IL1RAPL2: variants seen among roughly 807,000 people sequenced by gnomAD.
IL1RAPL2 encodes interleukin 1 receptor accessory protein like 2, also known as X-linked interleukin-1 receptor accessory protein-like 2.
In IL1RAPL2, 3 loss-of-function variants were observed where a neutral mutation model predicts 44.1. That is an observed-to-expected ratio of 0.07 (90% CI 0.03 to 0.18). The LOEUF (loss-of-function observed/expected upper bound fraction) is 0.18. IL1RAPL2 is among the 10% of genes least tolerant of loss of function. The pLI is 1.00. For synonymous variants in IL1RAPL2, 181 were observed against 178.8 expected, an observed-to-expected ratio of 1.01 and a Z score of -0.10; for missense variants, 391 against 496.4, an observed-to-expected ratio of 0.79 and a Z score of 2.02.
intron 2 of IL1RAPL2, among the ~76,000 whole-genome samples, chrX:104,718,240 A>G (rs1931614538): frequency 1.8e-5 from 2 of 110,795 alleles, no homozygotes; most frequent in Admixed American, 9.6e-5. Context: ...AAGTGTTCCT[A>G]TTTCTCCACA....
chrX:104,980,074 A>G (rs2030409418), intron 2 of IL1RAPL2, among the ~76,000 whole-genome samples: 1 of 112,011 alleles, frequency 8.9e-6, no homozygotes, highest in Admixed American at 9.5e-5. Context: ...AGCAACCTAA[A>G]TATCTATCAA....
intron 6 of IL1RAPL2, among the ~76,000 whole-genome samples, chrX:105,501,398 C>A (rs1160393570): frequency 9.0e-6 from 1 of 111,068 alleles, no homozygotes; most frequent in Admixed American, 9.6e-5. Flanking sequence ...CTGAAGTGGG[C>A]AGATTGTGTG....
chrX:105,085,187 A>G (rs978538636), intron 2 of IL1RAPL2, among the ~76,000 whole-genome samples: 2 of 112,224 alleles, frequency 1.8e-5, no homozygotes. Flanking sequence ...TACACAAAAT[A>G]TCAATCTAAA....
intron 2 of IL1RAPL2, among the ~76,000 whole-genome samples, chrX:104,784,027 G>A (rs993661442): frequency 8.1e-5 from 9 of 110,890 alleles, no homozygotes; most frequent in African/African-American, 2.6e-4. Flanking sequence ...TATTTACTGA[G>A]TTACTCCCTC....
In IL1RAPL2 at chrX:104,825,482, C is replaced by T. The variant is rs1164452234; in HGVS notation, c.82+166487C>T. 8.0e-5 allele frequency among the ~76,000 whole-genome samples: 9 copies of T among 111,803 alleles called. No homozygotes were observed. The Admixed American group carries it at 8.6e-4, about 11-fold the overall frequency. ...ACAGCAAAACATGTCACTCATTTAG[C>T]AAATCATATAAGTGCTTGGAATTAT... On this transcript the variant is annotated intron_variant, in intron 2 of 10. Transcript: ENST00000372582.
At chrX:104,946,472 A>T (rs146234687) in intron 2 of IL1RAPL2, among the ~76,000 whole-genome samples, 1,227 of 90,286 alleles carry the variant, frequency 0.014, 4 homozygotes, top group Non-Finnish European at 0.021. Context: ...TGTGCAGGTT[A>T]GTTACATATG....
chrX:105,268,132 A>C, intron 5 of IL1RAPL2, among the ~76,000 whole-genome samples: 1 of 111,828 alleles, frequency 8.9e-6, no homozygotes, highest in East Asian at 2.8e-4. Context: ...AATTTTAGGA[A>C]GTAATTTTCA....
chrX:104,594,467 C>T (rs1004327903), intron 1 of IL1RAPL2, among the ~76,000 whole-genome samples: 1 of 111,285 alleles, frequency 9.0e-6, no homozygotes, highest in Admixed American at 9.6e-5. Context: ...GTGCTATGCT[C>T]TCTTAGTTGT....
chrX:105,448,776 C>T (rs757613904), intron 5 of IL1RAPL2, among the ~76,000 whole-genome samples: 13 of 110,794 alleles, frequency 1.2e-4, no homozygotes, highest in Non-Finnish European at 2.3e-4. Flanking sequence ...TTTCAAATAG[C>T]CTGTCTTCAA....
chrX:105,383,076 A>G (rs2035448658), intron 5 of IL1RAPL2, among the ~76,000 whole-genome samples: 2 of 110,019 alleles, frequency 1.8e-5, no homozygotes, highest in Non-Finnish European at 3.8e-5. Context: ...ATATGTAACA[A>G]ACCTGCACGT....
chrX:105,154,435 T>A lies in IL1RAPL2; in HGVS notation c.83-41040T>A, dbSNP rs1053955441. 8.1e-5 allele frequency among the ~76,000 whole-genome samples: 9 copies of A among 111,682 alleles called. No individual in the cohort carries two copies. The South Asian group carries it at 3.0e-3, about 37-fold the overall frequency. On this transcript the variant is annotated intron_variant, in intron 2 of 10. Transcript: ENST00000372582. ...TTATATCAGAATTGTTGGTTGATCC[T>A]CTTGTGCCCTTTAGCCTGTGTCCCA...
At chrX:104,939,799 T>G (rs1159282783) in intron 2 of IL1RAPL2, among the ~76,000 whole-genome samples, 2 of 111,660 alleles carry the variant, frequency 1.8e-5, no homozygotes, top group African/African-American at 3.3e-5. Context: ...TGCTACAACA[T>G]GAATGAACCT....
chrX:105,475,802 A>G (rs2036194465), intron 5 of IL1RAPL2, among the ~76,000 whole-genome samples: 1 of 112,352 alleles, frequency 8.9e-6, no homozygotes. Flanking sequence ...ATTTGTGCTG[A>G]ATAAACATTG....
At chrX:105,748,304 C>G (rs976392660) in intron 8 of IL1RAPL2, among the ~76,000 whole-genome samples, 1 of 111,981 alleles carries the variant, frequency 8.9e-6, no homozygotes, top group African/African-American at 3.2e-5. Context: ...CTGAAGAGGC[C>G]AAGTGATTAG....
rs1408187087 is a variant in IL1RAPL2, at chrX:105,767,031, C to G, written c.1431C>G (p.Asp477Glu). 2.2e-5 allele frequency: 27 copies of G among 1,208,525 alleles called. No homozygotes were observed. The highest frequency in any genetic ancestry group is 3.0e-5 in the Non-Finnish European group (27 of 892,722). Residue 477 changes from aspartate to glutamate, a missense_variant, in exon 11 of 11, where the codon GAC (aspartate) becomes GAG (glutamate). Coordinates refer to ENST00000372582, the MANE Select transcript of IL1RAPL2 (RefSeq NM_017416.2). ...GACTTATTATCGTGCTAACTCCAGA[C>G]TATATTCTCAGACGGGGATGGAGTA... ...SRRLIIVLTP[D>E]YILRRGWSIF...
At chrX:104,756,130 C>T (rs1392777578) in intron 2 of IL1RAPL2, among the ~76,000 whole-genome samples, 1 of 110,755 alleles carries the variant, frequency 9.0e-6, no homozygotes, top group Non-Finnish European at 1.9e-5. Context: ...AATATTCATC[C>T]ACTGGCATTT....
At chrX:105,725,719 C>CACACA (rs1362886204) in intron 7 of IL1RAPL2, among the ~76,000 whole-genome samples, 1 of 111,689 alleles carries the variant, frequency 9.0e-6, no homozygotes, top group Non-Finnish European at 1.9e-5. Flanking sequence ...GGCAACTTCT[C>CACACA]ACACAATTTT....
intron 4 of IL1RAPL2, among the ~76,000 whole-genome samples, chrX:105,263,087 G>A: frequency 9.1e-6 from 1 of 110,280 alleles, no homozygotes; most frequent in Non-Finnish European, 1.9e-5. Context: ...GTTTCTCCAT[G>A]TTGATCAGGC....
intron 5 of IL1RAPL2, among the ~76,000 whole-genome samples, chrX:105,363,673 A>T (rs1049999689): frequency 4.5e-5 from 5 of 110,069 alleles, no homozygotes; most frequent in African/African-American, 1.6e-4. Context: ...TTATGAATTT[A>T]ATTTTTATTT....
Sources: gnomAD v4.1 joint callset for allele counts (sites outside exome capture counted in the v4.1 genomes callset) on GRCh38, gnomAD v4.1.1 for gene constraint, MANE v1.5 for transcripts, NCBI Gene and HGNC (gene_info 2026-07-23, HGNC 2026-07-21) for gene names.